Variants in PSMD1 observed in about 807,000 individuals in gnomAD.
The protein encoded by PSMD1 is proteasome 26S subunit, non-ATPase 1, also known as 26S proteasome non-ATPase regulatory subunit 1.
A neutral mutation model predicts 119.0 loss-of-function variants in PSMD1; 18 were observed. The ratio of observed to expected loss-of-function variants is 0.15; its 90% CI spans 0.10 to 0.22. The LOEUF (loss-of-function observed/expected upper bound fraction) is 0.22, where lower values mean the gene tolerates loss of function less well. PSMD1 is among the 10% of genes least tolerant of loss of function. PSMD1 has a pLI of 1.00. For missense variants in PSMD1, 702 were observed against 1,158.5 expected, an observed-to-expected ratio of 0.61 and a Z score of 5.72; for synonymous variants, 374 against 396.6, an observed-to-expected ratio of 0.94 and a Z score of 0.68.
chr2:231,137,345 CCT>C (rs1695998435), intron 16 of PSMD1, among the ~76,000 whole-genome samples: 1 of 151,682 alleles, frequency 6.6e-6, no homozygotes, highest in Admixed American at 6.6e-5. Context: ...AAACTCCTGA[CCT>C]CAAGTGATCT....
chr2:231,101,057 G>A (rs1694854908), intron 16 of PSMD1, among the ~76,000 whole-genome samples: 1 of 152,224 alleles, frequency 6.6e-6, no homozygotes. Flanking sequence ...GCCGGCACTA[G>A]GGGCTGAAGA....
In PSMD1 at chr2:231,056,940, C is replaced by A; in HGVS notation, c.-86C>A. 1 of 1,513,448 alleles carries A rather than the reference C, an allele frequency of 6.6e-7. No homozygotes were observed. The allele number at this position is 1,513,448 out of a possible 1,614,324, so 93.8% of individuals were successfully genotyped here. On this transcript the variant is annotated 5_prime_UTR_variant, in exon 1 of 25. Coordinates refer to ENST00000308696, the MANE Select transcript of PSMD1 (RefSeq NM_002807.4). Reference sequence around the variant, plus strand: ...AGCGCACCCGGGGAGCAAGGAGGCGCGGTGAACTGAGCGGCCCCTGAGCTG... The same window carrying A: ...AGCGCACCCGGGGAGCAAGGAGGCGAGGTGAACTGAGCGGCCCCTGAGCTG...
chr2:231,127,414 G>A (rs1695752567), intron 16 of PSMD1, among the ~76,000 whole-genome samples: 1 of 152,132 alleles, frequency 6.6e-6, no homozygotes, highest in African/African-American at 2.4e-5. Context: ...GAGTGCAGTG[G>A]CACAATCTCA....
intron 19 of PSMD1, among the ~76,000 whole-genome samples, chr2:231,159,448 T>G (rs531050099): frequency 2.2e-4 from 33 of 152,346 alleles, no homozygotes; most frequent in Middle Eastern, 6.8e-3. Flanking sequence ...TTTTCCAGTT[T>G]GCTTCAGTTT....
chr2:231,076,176 G>A (rs1694160510), intron 8 of PSMD1, among the ~76,000 whole-genome samples: 1 of 152,108 alleles, frequency 6.6e-6, no homozygotes, highest in Non-Finnish European at 1.5e-5. Flanking sequence ...TGAAAAAAAG[G>A]TATGGTCTCT....
At chr2:231,157,253 G>A (rs113360798) in intron 19 of PSMD1, among the ~76,000 whole-genome samples, 3,363 of 151,220 alleles carry the variant, frequency 0.022, 139 homozygotes, top group African/African-American at 0.077. Flanking sequence ...GCTCTGCAAG[G>A]AGCAATACAA....
intron 17 of PSMD1, among the ~76,000 whole-genome samples, chr2:231,141,392 A>T (rs1382324951): frequency 6.8e-6 from 1 of 147,986 alleles, no homozygotes; most frequent in Non-Finnish European, 1.5e-5. Context: ...CCAGTATTTC[A>T]TCCTATTCTG....
chr2:231,093,576 A>C (rs1694652498), intron 16 of PSMD1, among the ~76,000 whole-genome samples: 1 of 152,134 alleles, frequency 6.6e-6, no homozygotes, highest in Non-Finnish European at 1.5e-5. Context: ...CCTCTTTCCC[A>C]TGTAAGCAAA....
At chr2:231,152,142 G>T (rs1696390581) in intron 18 of PSMD1, among the ~76,000 whole-genome samples, 2 of 151,958 alleles carry the variant, frequency 1.3e-5, no homozygotes. Context: ...AAGTAGAGGG[G>T]AATTTAGTGA....
At chr2:231,125,106 A>C (rs1203516105) in intron 16 of PSMD1, 1 of 152,194 alleles carries the variant, frequency 6.6e-6, no homozygotes, top group Non-Finnish European at 1.5e-5. Flanking sequence ...CAGTGAAACA[A>C]ATACGTTGTA....
chr2:231,102,896 A>ATATTTGTTATATTTGTTATAGCTTATTTG lies in PSMD1; in HGVS notation c.1883+15716_1883+15717insATTTGTTATATTTGTTATAGCTTATTTGT, dbSNP rs1694902748. On this transcript the variant is annotated intron_variant, in intron 16 of 24. Transcript: ENST00000308696. ...TTGTTATATTTGTTATAGCTTATTT[A>ATATTTGTTATATTTGTTATAGCTTATTTG]TTATATTTGTTATAGCTTATTTGTT... Among the ~76,000 whole-genome samples, 5 of 146,230 alleles carry ATATTTGTTATATTTGTTATAGCTTATTTG rather than the reference A, an allele frequency of 3.4e-5. No homozygotes were observed. The South Asian group carries it at 6.3e-4, about 18-fold the overall frequency.
intron 1 of PSMD1, 110 bp downstream of exon 1, chr2:231,057,151 C>T (rs1693615895): frequency 1.5e-6 from 2 of 1,337,346 alleles, no homozygotes; most frequent in Non-Finnish European, 1.9e-6. Flanking sequence ...CCGGCCTGGG[C>T]AGCTTCTTGC....
chr2:231,061,020 A>C (rs2036878), intron 1 of PSMD1, among the ~76,000 whole-genome samples: 151,314 of 152,328 alleles, frequency 0.99, 75,155 homozygotes, highest in East Asian at 1. Flanking sequence ...AGTCCAGGGA[A>C]CACACTGAAA....
intron 15 of PSMD1, 44 bp from the exon 16 acceptor site, chr2:231,087,073 G>T: frequency 6.5e-7 from 1 of 1,548,456 alleles, no homozygotes. Context: ...TTGGTCTAGT[G>T]GTAGACTACA....
chr2:231,161,023 C>CTGT (rs1235182474), intron 19 of PSMD1, among the ~76,000 whole-genome samples: 1 of 152,052 alleles, frequency 6.6e-6, no homozygotes, highest in Non-Finnish European at 1.5e-5. Flanking sequence ...CTAGCCTGGG[C>CTGT]AACATAGTGA....
At chr2:231,130,464 GTTGTT>G (rs759571563) in intron 16 of PSMD1, among the ~76,000 whole-genome samples, 3 of 151,912 alleles carry the variant, frequency 2.0e-5, no homozygotes, top group Admixed American at 6.6e-5. Context: ...TTCTAAATAC[GTTGTT>G]TTGTTTTGTT....
At chr2:231,118,437 G>GT (rs112330684) in intron 16 of PSMD1, among the ~76,000 whole-genome samples, 3,377 of 152,172 alleles carry the variant, frequency 0.022, 135 homozygotes, top group African/African-American at 0.077. Flanking sequence ...GCTGAGAACA[G>GT]TTAACTCTGT....
rs894435150 is a variant in PSMD1 at position 231,170,069 on chromosome 2, T to C, written c.2716-497T>C. Among the ~76,000 whole-genome samples the C allele has an allele frequency of 6.6e-6, 1 of 152,234 alleles. No homozygotes were observed. The highest frequency in any genetic ancestry group is 1.5e-5 in the Non-Finnish European group (1 of 68,032). On this transcript the variant is annotated intron_variant, in intron 23 of 24. Coordinates refer to ENST00000308696, the MANE Select transcript of PSMD1 (RefSeq NM_002807.4). This position sits in a 1 kb window ranked among gnomAD's most constrained non-coding sequence, Gnocchi z 4.1. Reference sequence around the variant, plus strand: ...TTATCATCTCACAAATCATACAGTGTGCATTAGACTGCTTCTCAAACTTCA... The same window carrying C: ...TTATCATCTCACAAATCATACAGTGCGCATTAGACTGCTTCTCAAACTTCA...
chr2:231,058,722 C>T (rs1236571425), intron 1 of PSMD1, among the ~76,000 whole-genome samples: 1 of 152,006 alleles, frequency 6.6e-6, no homozygotes, highest in Admixed American at 6.6e-5. Context: ...TCAATACATC[C>T]TAATCACACT....
Sources: allele counts gnomAD v4.1 joint callset (sites outside exome capture counted in the v4.1 genomes callset), GRCh38; gene constraint gnomAD v4.1.1; non-coding constraint Gnocchi (gnomAD v3.1); transcripts MANE v1.5; gene names NCBI Gene and HGNC (gene_info 2026-07-23, HGNC 2026-07-21).